The following SEMA6D variants were observed in gnomAD, a reference collection of about 807,000 sequenced individuals.
SEMA6D encodes the protein semaphorin 6D.
SEMA6D carries 35 observed loss-of-function variants against 106.6 expected under a neutral mutation model. The ratio of observed to expected loss-of-function variants is 0.33; its 90% confidence interval spans 0.25 to 0.44. The LOEUF (loss-of-function observed/expected upper bound fraction) is 0.44, where lower values mean the gene tolerates loss of function less well. Ranked by LOEUF, SEMA6D falls within the 20% of genes least tolerant of loss-of-function variation. SEMA6D has a pLI of 1.00. For synonymous variants in SEMA6D, 499 were observed against 487.7 expected, an observed-to-expected ratio of 1.02 and a Z score of -0.31; for missense variants, 1,185 against 1,345.9, an observed-to-expected ratio of 0.88 and a Z score of 1.87.
intron 3 of SEMA6D, among the ~76,000 whole-genome samples, chr15:47,570,242 T>C (rs952007285): frequency 2.6e-5 from 4 of 152,134 alleles, no homozygotes; most frequent in African/African-American, 9.7e-5. Flanking sequence ...TTTTGTGCCC[T>C]GTGATTGAGG....
chr15:47,548,030 G>A (rs142975161), intron 3 of SEMA6D, among the ~76,000 whole-genome samples: 28 of 152,186 alleles, frequency 1.8e-4, no homozygotes, highest in African/African-American at 6.7e-4. Flanking sequence ...TGATCCAATG[G>A]TATCCCTGTG....
chr15:47,284,160 C>CA (rs2035253811), intron 1 of SEMA6D, among the ~76,000 whole-genome samples: 1 of 152,160 alleles, frequency 6.6e-6, no homozygotes, highest in South Asian at 2.1e-4. Context: ...GCTCTGTAAG[C>CA]AAGAGGCATA....
In SEMA6D at chr15:47,563,040, A is replaced by G. The variant is rs537260640; in HGVS notation, c.-86-37825A>G. 5.3e-5 allele frequency among the ~76,000 whole-genome samples: 8 copies of G among 152,306 alleles called. 1 individual carries two copies. Among genetic ancestry groups the G allele is most frequent in the African/African-American group, 1.9e-4 (8 of 41,578 alleles). The stretch of plus-strand genomic sequence containing the variant: ...CTGATACATGCTACAAACCTAGTGA[A>G]CCTGAAAAATATATTCTAAGTGAAA... On this transcript the variant is annotated intron_variant, in intron 3 of 19. Transcript: ENST00000558014.
At chr15:47,220,930 A>C (rs963290861) in intron 1 of SEMA6D, among the ~76,000 whole-genome samples, 3 of 152,236 alleles carry the variant, frequency 2.0e-5, no homozygotes, top group African/African-American at 7.2e-5. Context: ...TTAATCATTA[A>C]TACTTGCATT....
At chr15:47,473,472 C>A (rs541237665) in intron 3 of SEMA6D, among the ~76,000 whole-genome samples, 3 of 152,114 alleles carry the variant, frequency 2.0e-5, no homozygotes, top group African/African-American at 7.2e-5. Flanking sequence ...ATGCTGAAGT[C>A]CCCTGACTCA....
In SEMA6D at chr15:47,430,241, G is replaced by GA. The variant is rs202015827; in HGVS notation, c.-159+17776dup. 3.3e-5 allele frequency among the ~76,000 whole-genome samples: 5 copies of GA among 151,880 alleles called. No homozygotes were observed. The East Asian group carries it at 5.8e-4, about 18-fold the overall frequency. On this transcript the variant is annotated intron_variant, in intron 2 of 19. Coordinates refer to the SEMA6D transcript ENST00000558014. Reference sequence around the variant, plus strand: ...GGAAAACCATTTTCCCTGCTGTAGAGAAAAAAAGAGAATTCCTTTTTGTTA... The same window carrying GA: ...GGAAAACCATTTTCCCTGCTGTAGAGAAAAAAAAGAGAATTCCTTTTTGTTA...
At chr15:47,269,112 A>G (rs976750146) in intron 1 of SEMA6D, among the ~76,000 whole-genome samples, 3 of 152,114 alleles carry the variant, frequency 2.0e-5, no homozygotes, top group African/African-American at 7.2e-5. Flanking sequence ...GAAGTTTTCT[A>G]TATTATGTTT....
At chr15:47,294,156 G>T (rs570428548) in intron 1 of SEMA6D, among the ~76,000 whole-genome samples, 1 of 150,738 alleles carries the variant, frequency 6.6e-6, no homozygotes, top group Non-Finnish European at 1.5e-5. Context: ...TTACAGTTCC[G>T]AAGGAAAAAC....
intron 1 of SEMA6D, among the ~76,000 whole-genome samples, chr15:47,404,331 G>A (rs1595914934): frequency 6.6e-6 from 1 of 152,134 alleles, no homozygotes; most frequent in South Asian, 2.1e-4. Context: ...CATCATCGTG[G>A]CAGTTATAAT....
At chr15:47,284,115 C>T (rs1017051335) in intron 1 of SEMA6D, among the ~76,000 whole-genome samples, 1 of 152,136 alleles carries the variant, frequency 6.6e-6, no homozygotes, top group Admixed American at 6.6e-5. Context: ...ACATCCAATT[C>T]AGGAAGGTTC....
chr15:47,704,007 A>G (rs983969259), intron 4 of SEMA6D, among the ~76,000 whole-genome samples: 2 of 152,238 alleles, frequency 1.3e-5, no homozygotes, highest in African/African-American at 2.4e-5. Flanking sequence ...ATATTTTGAT[A>G]TATAGCTTTA....
chr15:47,507,961 C>G (rs773216700), intron 3 of SEMA6D, among the ~76,000 whole-genome samples: 4 of 152,140 alleles, frequency 2.6e-5, no homozygotes, highest in Non-Finnish European at 5.9e-5. Context: ...TGCAATTAGG[C>G]CAATAATGGC....
chr15:47,557,732 C>A (rs2045954855), intron 3 of SEMA6D, among the ~76,000 whole-genome samples: 1 of 152,168 alleles, frequency 6.6e-6, no homozygotes. Flanking sequence ...GAATCTACTT[C>A]CTTGTTAAAG....
rs1212500663 is a variant in SEMA6D, at chr15:47,417,033, G to A, written c.-159+4561G>A. On this transcript the variant is annotated intron_variant, in intron 2 of 19. Coordinates refer to the SEMA6D transcript ENST00000558014. ...AGCTCAGTGACTTATGAAAAATTGG[G>A]ACAGATTGAGAGCCTCTGATAAAGG... is the stretch of plus-strand genomic sequence containing the variant. 2.0e-5 allele frequency among the ~76,000 whole-genome samples: 3 copies of A among 152,112 alleles called. No homozygotes were observed. In the East Asian group the frequency reaches 5.8e-4, roughly 29 times the overall value.
intron 1 of SEMA6D, among the ~76,000 whole-genome samples, chr15:47,354,274 T>TTA (rs1204552538): frequency 4.4e-5 from 6 of 137,686 alleles, no homozygotes; most frequent in South Asian, 4.4e-4. Context: ...ATGACAAGAA[T>TTA]TATATATATA....
At chr15:47,280,313 G>C (rs540505659) in intron 1 of SEMA6D, among the ~76,000 whole-genome samples, 3 of 151,462 alleles carry the variant, frequency 2.0e-5, no homozygotes, top group Admixed American at 6.6e-5. Flanking sequence ...GTTTATTTGC[G>C]TAGAGGTGTT....
In SEMA6D at chr15:47,233,582, A is replaced by G. The variant is rs185296451; in HGVS notation, c.-239+49164A>G. Among the ~76,000 whole-genome samples the G allele has an allele frequency of 1.6e-3, 247 of 152,120 alleles. 2 individuals carry two copies. The highest frequency in any genetic ancestry group is 5.5e-3 in the African/African-American group (229 of 41,540). On this transcript the variant is annotated intron_variant, in intron 1 of 19. Coordinates refer to the SEMA6D transcript ENST00000558014. Reference sequence around the variant, plus strand: ...ATGAATATGGGATGTCTTTCCATTAATTTATTTCTACAACTTTTTTTGTAA... The same window carrying G: ...ATGAATATGGGATGTCTTTCCATTAGTTTATTTCTACAACTTTTTTTGTAA...
intron 1 of SEMA6D, among the ~76,000 whole-genome samples, chr15:47,320,760 C>T (rs912488833): frequency 6.6e-6 from 1 of 152,222 alleles, no homozygotes; most frequent in African/African-American, 2.4e-5. Context: ...GAGTCTCCCT[C>T]TTCCATGCAG....
chr15:47,456,804 G>C (rs373553), intron 2 of SEMA6D, among the ~76,000 whole-genome samples: 120,466 of 151,834 alleles, frequency 0.79, 48,836 homozygotes, highest in East Asian at 0.97. Context: ...TCCCCCTGTA[G>C]TTAGCAGATG....
Sources: gnomAD v4.1 joint callset for allele counts (sites outside exome capture counted in the v4.1 genomes callset) on GRCh38, gnomAD v4.1.1 for gene constraint, MANE v1.5 for transcripts, NCBI Gene and HGNC (gene_info 2026-07-23, HGNC 2026-07-21) for gene names.